PTPRT: variants seen among roughly 807,000 people sequenced by gnomAD.
PTPRT encodes protein tyrosine phosphatase receptor type T, also known as receptor-type tyrosine-protein phosphatase T.
Under a neutral mutation model 176.8 loss-of-function variants are expected in PTPRT, and 56 were observed. That is an observed-to-expected ratio of 0.32 (90% confidence interval 0.26 to 0.40). The LOEUF is 0.40. PTPRT is among the 10% of genes least tolerant of loss of function. The pLI, the probability that PTPRT is intolerant of heterozygous loss-of-function variation, is 1.00. For missense variants in PTPRT, 1,540 were observed against 1,908.2 expected (o/e 0.81, Z 3.60); for synonymous variants, 783 against 739.0 (o/e 1.06, Z -0.96).
chr20:42,437,771 T>A (rs1171347563), intron 9 of PTPRT, among the ~76,000 whole-genome samples: 2 of 152,188 alleles, frequency 1.3e-5, no homozygotes, highest in Non-Finnish European at 2.9e-5. Context: ...AATCACAGAT[T>A]GGAATTCCAG....
chr20:42,470,384 T>C (rs948646783), intron 8 of PTPRT, among the ~76,000 whole-genome samples: 2 of 152,152 alleles, frequency 1.3e-5, no homozygotes, highest in Non-Finnish European at 2.9e-5. Flanking sequence ...TTGCTGGACT[T>C]GGCCAAAAGT....
intron 7 of PTPRT, among the ~76,000 whole-genome samples, chr20:42,492,309 A>T (rs2071573785): frequency 6.6e-6 from 1 of 152,196 alleles, no homozygotes. Flanking sequence ...TCCACCAGCA[A>T]CGTAGGAGAG....
chr20:42,645,360 C>G (rs1041897276), intron 7 of PTPRT, among the ~76,000 whole-genome samples: 1 of 152,088 alleles, frequency 6.6e-6, no homozygotes, highest in Non-Finnish European at 1.5e-5. Context: ...GGATAAATAC[C>G]CTAACTTTCT....
chr20:42,352,299 C>G lies in PTPRT; in HGVS notation c.1561-14G>C. 1 of 1,613,778 alleles carries G rather than the reference C, an allele frequency of 6.2e-7. No homozygotes were observed. ...CTTGTAGTTGATCTGTAGGACAAGCCAGCAAACAAACAAACAAATAAATGC... is the reference window on the plus strand; with the variant it reads ...CTTGTAGTTGATCTGTAGGACAAGCGAGCAAACAAACAAACAAATAAATGC... On this transcript the variant is annotated splice_polypyrimidine_tract_variant and intron_variant, in intron 9 of 30. Transcript: ENST00000373187.
chr20:42,292,447 C>T (rs1278117191), intron 12 of PTPRT, among the ~76,000 whole-genome samples: 2 of 152,032 alleles, frequency 1.3e-5, no homozygotes, highest in East Asian at 1.9e-4. Context: ...ATTCTCTTGT[C>T]TCATACCTAC....
chr20:42,954,321 G>A (rs928453497), intron 1 of PTPRT, among the ~76,000 whole-genome samples: 1 of 152,080 alleles, frequency 6.6e-6, no homozygotes, highest in Non-Finnish European at 1.5e-5. Flanking sequence ...GCAAAATCAT[G>A]ATAAGGCTCT....
intron 9 of PTPRT, among the ~76,000 whole-genome samples, chr20:42,432,163 G>A (rs374241319): frequency 1.8e-4 from 27 of 152,284 alleles, no homozygotes; most frequent in African/African-American, 5.8e-4. Flanking sequence ...CCTTCCCCAT[G>A]TCTTCCTAGA....
At chr20:42,985,102 G>A (rs911729264) in intron 1 of PTPRT, among the ~76,000 whole-genome samples, 2 of 152,162 alleles carry the variant, frequency 1.3e-5, no homozygotes, top group African/African-American at 4.8e-5. Context: ...AATGGAAGTT[G>A]CAATGGGGGT....
At chr20:43,136,964 T>C (rs1374996676) in intron 1 of PTPRT, among the ~76,000 whole-genome samples, 4 of 152,178 alleles carry the variant, frequency 2.6e-5, no homozygotes, top group African/African-American at 7.2e-5. Context: ...CTTCCAGACA[T>C]TTCCTGTCAA....
At position 43,008,615 on chromosome 20, in the gene PTPRT, C is replaced by G. The variant is rs1320052781; in HGVS notation, c.89-122683G>C. Among the ~76,000 whole-genome samples the G allele has an allele frequency of 2.0e-5, 3 of 151,948 alleles. No individual in the cohort carries two copies. The East Asian group carries it at 5.8e-4, about 29-fold the overall frequency. Reference sequence around the variant, plus strand: ...CTGAGGTGGAGGCATCACTTGCATCCGGGAGATGGAGGTTGCAGTGAGCCG... The same window carrying G: ...CTGAGGTGGAGGCATCACTTGCATCGGGGAGATGGAGGTTGCAGTGAGCCG... On this transcript the variant is annotated intron_variant, in intron 1 of 30. Coordinates refer to ENST00000373187, the MANE Select transcript of PTPRT (RefSeq NM_007050.6).
At chr20:42,490,876 A>T (rs1911528304) in intron 7 of PTPRT, among the ~76,000 whole-genome samples, 1 of 152,184 alleles carries the variant, frequency 6.6e-6, no homozygotes, top group Non-Finnish European at 1.5e-5. Flanking sequence ...TAAGGGTTTT[A>T]AAAAATAATC....
At chr20:42,984,929 C>T (rs1250200386) in intron 1 of PTPRT, among the ~76,000 whole-genome samples, 3 of 152,108 alleles carry the variant, frequency 2.0e-5, no homozygotes, top group African/African-American at 4.8e-5. Flanking sequence ...GACCAGGTGG[C>T]TTAGGAAGTT....
In PTPRT at chr20:42,084,664, C is replaced by T; in HGVS notation, c.4136+18G>A. ...ACCCACCACCCTATTGCCCTGGTGA[C>T]ACCTCCCTAGTACTCACAGGCAGTG... On this transcript the variant is annotated intron_variant, in intron 29 of 30. Transcript: ENST00000373187. The T allele has an allele frequency of 7.0e-7, 1 of 1,420,244 alleles. No homozygotes were observed. Among genetic ancestry groups the T allele is most frequent in the Non-Finnish European group, 9.4e-7 (1 of 1,069,324 alleles). The allele number at this position is 1,420,244 out of a possible 1,614,324, so 88.0% of individuals were successfully genotyped here.
At position 42,741,261 on chromosome 20, in the gene PTPRT, T is replaced by C. The variant is rs970548732; in HGVS notation, c.859+15201A>G. On this transcript the variant is annotated intron_variant, in intron 6 of 30. Transcript: ENST00000373187. Reference sequence around the variant, plus strand: ...TTGATAAATTTGGGACTGGGTGAACTCTTCTCAGATGTAGCCCCAGGAATG... The same window carrying C: ...TTGATAAATTTGGGACTGGGTGAACCCTTCTCAGATGTAGCCCCAGGAATG... Among the ~76,000 whole-genome samples the C allele has an allele frequency of 2.6e-5, 4 of 152,160 alleles. No individual in the cohort carries two copies. In the East Asian group the frequency reaches 7.7e-4, roughly 29 times the overall value.
chr20:42,055,232 G>A, the PTPRT span, among the ~76,000 whole-genome samples: 165 of 152,312 alleles, frequency 1.1e-3, no homozygotes, highest in African/African-American at 3.8e-3. Context: ...CAAATAAAAA[G>A]GCATTTCTTA....
chr20:42,304,653 T>C (rs545402103), intron 12 of PTPRT, among the ~76,000 whole-genome samples: 12 of 152,312 alleles, frequency 7.9e-5, no homozygotes, highest in Admixed American at 2.6e-4. Flanking sequence ...ACTAATCTTA[T>C]TTAATAGCAT....
intron 1 of PTPRT, among the ~76,000 whole-genome samples, chr20:42,943,056 A>G (rs1479846312): frequency 6.6e-6 from 1 of 152,198 alleles, no homozygotes; most frequent in Non-Finnish European, 1.5e-5. Context: ...TTTTTTGTGG[A>G]AACCATTTCA....
intron 1 of PTPRT, among the ~76,000 whole-genome samples, chr20:43,119,346 A>G (rs2146356155): frequency 6.6e-6 from 1 of 152,236 alleles, no homozygotes; most frequent in East Asian, 1.9e-4. Flanking sequence ...ATAAAATTCT[A>G]TAATCTGATA....
intron 14 of PTPRT, among the ~76,000 whole-genome samples, chr20:42,237,629 A>G (rs2056272130): frequency 6.6e-6 from 1 of 152,258 alleles, no homozygotes; most frequent in African/African-American, 2.4e-5. Flanking sequence ...GAAAGCTTCA[A>G]AAATCACTGG....
Sources: allele counts gnomAD v4.1 joint callset (sites outside exome capture counted in the v4.1 genomes callset), GRCh38; gene constraint gnomAD v4.1.1; transcripts MANE v1.5; gene names NCBI Gene and HGNC (gene_info 2026-07-23, HGNC 2026-07-21).